Variants in LRRTM4 observed in about 807,000 individuals in gnomAD.
LRRTM4 encodes leucine-rich repeat transmembrane neuronal protein 4.
A neutral mutation model predicts 47.6 loss-of-function variants in LRRTM4; 25 were observed. The observed-to-expected ratio is 0.53, with a 90% CI of 0.38 to 0.73. The LOEUF is 0.73. Among genes scored for constraint, LRRTM4 ranks in the 30% least tolerant of loss-of-function variants. The probability of loss-of-function intolerance (pLI) is 0.00; values close to 1 mark genes in which losing one functional copy is unlikely to be tolerated. For synonymous variants in LRRTM4, 311 were observed against 269.5 expected (o/e 1.15, Z -1.51); for missense variants, 638 against 713.4 (o/e 0.89, Z 1.20).
chr2:77,410,399 G>T (rs1159491730), intron 3 of LRRTM4, among the ~76,000 whole-genome samples: 1 of 152,106 alleles, frequency 6.6e-6, no homozygotes, highest in African/African-American at 2.4e-5. Flanking sequence ...ACCCCTGTTA[G>T]ATATCTTAAG....
intron 3 of LRRTM4, among the ~76,000 whole-genome samples, chr2:76,840,642 G>A (rs921516502): frequency 6.6e-6 from 1 of 152,164 alleles, no homozygotes; most frequent in Non-Finnish European, 1.5e-5. Flanking sequence ...TTTCACAGCT[G>A]CCCCGACTAC....
intron 3 of LRRTM4, among the ~76,000 whole-genome samples, chr2:77,401,943 C>T (rs1291806467): frequency 6.6e-6 from 1 of 151,802 alleles, no homozygotes; most frequent in East Asian, 1.9e-4. Flanking sequence ...TTTGAAAGAA[C>T]GACTATTTTA....
At chr2:77,465,125 T>A (rs1358516091) in intron 3 of LRRTM4, among the ~76,000 whole-genome samples, 1 of 152,142 alleles carries the variant, frequency 6.6e-6, no homozygotes. Flanking sequence ...TATAGTTTTT[T>A]TAAATGGTCT....
intron 3 of LRRTM4, among the ~76,000 whole-genome samples, chr2:76,890,505 A>G (rs1429699845): frequency 1.3e-5 from 2 of 152,000 alleles, no homozygotes; most frequent in Admixed American, 6.6e-5. Context: ...TTTAATGTTC[A>G]TATTGTCTCA....
chr2:77,060,447 T>C (rs1679750842), intron 3 of LRRTM4, among the ~76,000 whole-genome samples: 1 of 152,184 alleles, frequency 6.6e-6, no homozygotes, highest in Non-Finnish European at 1.5e-5. Flanking sequence ...AAAAGAGATT[T>C]AGGTAAATAT....
chr2:77,092,358 T>C (rs1670674815), intron 3 of LRRTM4, among the ~76,000 whole-genome samples: 1 of 151,404 alleles, frequency 6.6e-6, no homozygotes, highest in Non-Finnish European at 1.5e-5. Context: ...ACTTGATTTA[T>C]TGATGGTGGT....
intron 3 of LRRTM4, among the ~76,000 whole-genome samples, chr2:77,474,290 G>T (rs1250993693): frequency 6.6e-6 from 1 of 152,098 alleles, no homozygotes; most frequent in Non-Finnish European, 1.5e-5. Flanking sequence ...AAGACATTCA[G>T]TAGATTTTGA....
chr2:77,047,200 T>C (rs1424931729), intron 3 of LRRTM4, among the ~76,000 whole-genome samples: 1 of 152,050 alleles, frequency 6.6e-6, no homozygotes, highest in Non-Finnish European at 1.5e-5. Flanking sequence ...GGTGATTGCA[T>C]TATTAAATGA....
chr2:76,954,448 A>T (rs1675603015), intron 3 of LRRTM4, among the ~76,000 whole-genome samples: 1 of 151,820 alleles, frequency 6.6e-6, no homozygotes, highest in African/African-American at 2.4e-5. Context: ...CAATCCAAAG[A>T]AAGAAATCAA....
intron 3 of LRRTM4, among the ~76,000 whole-genome samples, chr2:77,039,280 T>C (rs1277649370): frequency 6.6e-6 from 1 of 150,616 alleles, no homozygotes; most frequent in African/African-American, 2.4e-5. Context: ...GGACATATGG[T>C]GAAATGAGTC....
At chr2:77,054,764 G>A (rs1679547910) in intron 3 of LRRTM4, among the ~76,000 whole-genome samples, 1 of 152,188 alleles carries the variant, frequency 6.6e-6, no homozygotes, top group South Asian at 2.1e-4. Flanking sequence ...GTTTTTAAAA[G>A]TAGAAACAAT....
Position 77,056,245 on chromosome 2 carries a change from T to C in LRRTM4, c.1552-307329A>G, listed in dbSNP as rs564378732. Among the ~76,000 whole-genome samples, 3 of 151,990 alleles carry C rather than the reference T, an allele frequency of 2.0e-5. No individual in the cohort carries two copies. The South Asian group carries it at 6.2e-4, about 32-fold the overall frequency. ...TGATATATGAAAAAATAAGGCAGTT[T>C]AGAGAGACCAATAAATGCATTGAAG... is the stretch of plus-strand genomic sequence containing the variant. On this transcript the variant is annotated intron_variant, in intron 3 of 3. Transcript: ENST00000409884.
intron 3 of LRRTM4, among the ~76,000 whole-genome samples, chr2:77,246,147 A>G (rs192099164): frequency 6.6e-6 from 1 of 152,306 alleles, no homozygotes; most frequent in East Asian, 1.9e-4. Context: ...TTTGCAAGTG[A>G]CAAAACAATT....
intron 3 of LRRTM4, among the ~76,000 whole-genome samples, chr2:77,142,030 A>C (rs1262771264): frequency 1.3e-5 from 2 of 152,158 alleles, no homozygotes; most frequent in Non-Finnish European, 2.9e-5. Flanking sequence ...ATAGACTGAA[A>C]AATCTTTAGT....
chr2:77,329,882 C>T (rs6719736), intron 3 of LRRTM4, among the ~76,000 whole-genome samples: 3,019 of 152,160 alleles, frequency 0.02, 120 homozygotes, highest in African/African-American at 0.068. Context: ...ACGGTGAATG[C>T]GTTACAGGGG....
chr2:77,178,324 A>C (rs1375512815), intron 3 of LRRTM4, among the ~76,000 whole-genome samples: 2 of 152,202 alleles, frequency 1.3e-5, no homozygotes, highest in African/African-American at 4.8e-5. Context: ...GCGGTGGCTC[A>C]TGCCTGTAAT....
At position 76,749,864 on chromosome 2, in the gene LRRTM4, C is replaced by G. The variant is rs536540214; in HGVS notation, c.1552-948G>C. 8.3e-4 allele frequency among the ~76,000 whole-genome samples: 126 copies of G among 152,316 alleles called. 1 individual carries two copies. The highest frequency in any genetic ancestry group is 6.8e-3 in the Middle Eastern group (2 of 294). Reference sequence around the variant, plus strand: ...CATACTTGCGAGTTACAATTTGACACTCTTGATGAACAATCCACAGATGAG... The same window carrying G: ...CATACTTGCGAGTTACAATTTGACAGTCTTGATGAACAATCCACAGATGAG... On this transcript the variant is annotated intron_variant, in intron 3 of 3. Coordinates refer to ENST00000409884, the MANE Select transcript of LRRTM4 (RefSeq NM_001134745.3).
At chr2:76,952,134 T>C (rs1396636254) in intron 3 of LRRTM4, among the ~76,000 whole-genome samples, 2 of 151,988 alleles carry the variant, frequency 1.3e-5, no homozygotes, top group Non-Finnish European at 2.9e-5. Context: ...TAGTAGGCTA[T>C]AGTAGGCTTT....
intron 3 of LRRTM4, among the ~76,000 whole-genome samples, chr2:76,770,698 T>G (rs1347502013): frequency 3.3e-5 from 5 of 152,222 alleles, no homozygotes; most frequent in African/African-American, 4.8e-5. Flanking sequence ...AAAATACATC[T>G]CCTTTTACAT....
Sources: allele counts gnomAD v4.1 joint callset (sites outside exome capture counted in the v4.1 genomes callset), GRCh38; gene constraint gnomAD v4.1.1; transcripts MANE v1.5; gene names NCBI Gene and HGNC (gene_info 2026-07-23, HGNC 2026-07-21).